The following KSR2 variants were observed in gnomAD, a reference collection of about 807,000 sequenced individuals.
KSR2 encodes kinase suppressor of ras 2.
KSR2 carries 25 observed loss-of-function variants against 107.8 expected under a neutral mutation model. The observed-to-expected ratio is 0.23, with a 90% CI of 0.17 to 0.32. KSR2 has a LOEUF of 0.32. Ranked by LOEUF, KSR2 falls within the 10% of genes least tolerant of loss-of-function variation. The pLI, the probability that KSR2 is intolerant of heterozygous loss-of-function variation, is 1.00. For synonymous variants in KSR2, 480 were observed against 507.0 expected, an observed-to-expected ratio of 0.95 and a Z score of 0.71; for missense variants, 887 against 1,268.9, an observed-to-expected ratio of 0.70 and a Z score of 4.57.
chr12:117,863,737 A>T (rs993584029), intron 1 of KSR2, among the ~76,000 whole-genome samples: 1 of 152,138 alleles, frequency 6.6e-6, no homozygotes, highest in Admixed American at 6.6e-5. Flanking sequence ...GGCTAAAGTC[A>T]AGATGTCAAC....
intron 7 of KSR2, among the ~76,000 whole-genome samples, chr12:117,566,147 G>A (rs571149188): frequency 1.3e-4 from 19 of 151,536 alleles, no homozygotes; most frequent in Middle Eastern, 3.4e-3. Flanking sequence ...CAAGTAGGCC[G>A]CCATGTCTAT....
chr12:117,915,423 T>C (rs1895144879), intron 1 of KSR2, among the ~76,000 whole-genome samples: 2 of 152,238 alleles, frequency 1.3e-5, no homozygotes, highest in South Asian at 4.1e-4. Flanking sequence ...AATTTCCATA[T>C]GTAAATTTTG....
intron 1 of KSR2, among the ~76,000 whole-genome samples, chr12:117,953,774 A>G (rs1251134384): frequency 6.6e-6 from 1 of 152,218 alleles, no homozygotes; most frequent in Non-Finnish European, 1.5e-5. Context: ...ACTTAAGGCC[A>G]ATGAATTATA....
intron 4 of KSR2, among the ~76,000 whole-genome samples, chr12:117,704,085 T>A (rs984157670): frequency 2.6e-5 from 4 of 152,074 alleles, no homozygotes; most frequent in African/African-American, 9.7e-5. Flanking sequence ...ATCTTCAAGA[T>A]TATCTGAAAT....
intron 5 of KSR2, among the ~76,000 whole-genome samples, chr12:117,628,924 C>T (rs1407813770): frequency 6.6e-6 from 1 of 152,248 alleles, no homozygotes; most frequent in Non-Finnish European, 1.5e-5. Context: ...TGCCCCTCCC[C>T]TAGCCAGGCT....
intron 4 of KSR2, among the ~76,000 whole-genome samples, chr12:117,715,683 C>A (rs1886952877): frequency 6.6e-6 from 1 of 152,206 alleles, no homozygotes; most frequent in Non-Finnish European, 1.5e-5. Context: ...TGCAATTACT[C>A]ATTTCTGCTA....
In KSR2 at chr12:117,459,154, C is replaced by T. The variant is rs188291303; in HGVS notation, c.*8045G>A. Reference sequence around the variant, plus strand: ...ACAGAGTCTTAGAGACAGAATCTTTCTTTCTGCATTTTCCAAGTTCCCTAA... The same window carrying T: ...ACAGAGTCTTAGAGACAGAATCTTTTTTTCTGCATTTTCCAAGTTCCCTAA... On this transcript the variant is annotated 3_prime_UTR_variant, in exon 20 of 20. Coordinates refer to ENST00000339824, the MANE Select transcript of KSR2 (RefSeq NM_173598.6). 6.6e-6 allele frequency: 1 copy of T among 152,300 alleles called. No individual in the cohort carries two copies. The highest frequency in any genetic ancestry group is 2.4e-5 in the African/African-American group (1 of 41,550). The allele number at this position is 152,300 out of a possible 1,614,324, so 9.4% of individuals were successfully genotyped here. A position where few individuals can be genotyped will look rare whatever the true frequency, so the allele number is the denominator to read the frequency against.
At chr12:117,847,761 C>T (rs1304597934) in intron 3 of KSR2, among the ~76,000 whole-genome samples, 1 of 152,182 alleles carries the variant, frequency 6.6e-6, no homozygotes, top group Non-Finnish European at 1.5e-5. Context: ...GGCACCCATA[C>T]TGTTCTCTCT....
At chr12:117,893,178 C>T (rs772768421) in intron 1 of KSR2, among the ~76,000 whole-genome samples, 7 of 151,736 alleles carry the variant, frequency 4.6e-5, no homozygotes, top group Admixed American at 4.6e-4. Flanking sequence ...CCACCATGTC[C>T]GGCTAAGTTT....
intron 4 of KSR2, among the ~76,000 whole-genome samples, chr12:117,739,689 C>G (rs1257364186): frequency 1.7e-4 from 26 of 152,044 alleles, no homozygotes; most frequent in Admixed American, 1.7e-3. Flanking sequence ...CCTTGAGGAG[C>G]CTGGGTCTGG....
At chr12:117,830,543 T>TAGCCA (rs1410431649) in intron 3 of KSR2, among the ~76,000 whole-genome samples, 1 of 151,562 alleles carries the variant, frequency 6.6e-6, no homozygotes, top group Non-Finnish European at 1.5e-5. Context: ...ATTAAAAGAA[T>TAGCCA]AGCCAGCCAG....
intron 2 of KSR2, among the ~76,000 whole-genome samples, chr12:117,859,126 A>C (rs12813380): frequency 0.14 from 21,087 of 149,564 alleles, 1,677 homozygotes; most frequent in Middle Eastern, 0.18. Context: ...TTGGTGCCAG[A>C]ATATGAGCTG....
intron 10 of KSR2, among the ~76,000 whole-genome samples, chr12:117,537,346 C>T (rs1284989210): frequency 6.6e-6 from 1 of 152,102 alleles, no homozygotes; most frequent in Admixed American, 6.5e-5. Context: ...TGTCTAGGTC[C>T]TCATATTAAT....
In KSR2 at chr12:117,650,224, C is replaced by G. The variant is rs112835722; in HGVS notation, c.1171+17250G>C. On this transcript the variant is annotated intron_variant, in intron 5 of 19. Coordinates refer to ENST00000339824, the MANE Select transcript of KSR2 (RefSeq NM_173598.6). Reference sequence around the variant, plus strand: ...ATGTGAAAAGGAGAGATGGGCCTAGCCTCCCAGCCTACATCTTTCTCCCGT... The same window carrying G: ...ATGTGAAAAGGAGAGATGGGCCTAGGCTCCCAGCCTACATCTTTCTCCCGT... Among the ~76,000 whole-genome samples the G allele has an allele frequency of 4.3e-3, 648 of 152,240 alleles. 5 individuals carry two copies. The highest frequency in any genetic ancestry group is 0.015 in the African/African-American group (613 of 41,528).
intron 17 of KSR2, 132 bp downstream of exon 17, chr12:117,476,332 C>T: frequency 7.0e-6 from 8 of 1,136,728 alleles, no homozygotes; most frequent in Non-Finnish European, 9.5e-6. Flanking sequence ...TTCCTCCATT[C>T]TCACCCAAAA....
chr12:117,630,998 G>A (rs1882781637), intron 5 of KSR2, among the ~76,000 whole-genome samples: 1 of 152,176 alleles, frequency 6.6e-6, no homozygotes, highest in Admixed American at 6.5e-5. Flanking sequence ...CAAGAGACGG[G>A]CTGTAGAATA....
chr12:117,781,746 C>T (rs955636419), intron 3 of KSR2, among the ~76,000 whole-genome samples: 40 of 152,148 alleles, frequency 2.6e-4, no homozygotes, highest in African/African-American at 9.4e-4. Context: ...AGGAAGCCAA[C>T]ACAAATGAGT....
In KSR2 at chr12:117,524,710, TA is replaced by T. The variant is rs565554374; in HGVS notation, c.2219+141del. The T allele has an allele frequency of 2.2e-3, 2,328 of 1,071,510 alleles. 6 individuals carry two copies. Among genetic ancestry groups the T allele is most frequent in the Admixed American group, 4.0e-3 (131 of 32,616 alleles). 66.4% of individuals were successfully genotyped at this position (1,071,510 alleles called of 1,614,324 possible). A position where few individuals can be genotyped will look rare whatever the true frequency, so the allele number is the denominator to read the frequency against. ...AAGTATTTTCTGGAATCTTAAATCT[TA>T]AACCATGTAAGTAAACTGTGCATGG... On this transcript the variant is annotated intron_variant, in intron 14 of 19. Transcript: ENST00000339824.
intron 4 of KSR2, among the ~76,000 whole-genome samples, chr12:117,731,343 C>G (rs1312280608): frequency 7.2e-6 from 1 of 139,454 alleles, no homozygotes; most frequent in African/African-American, 2.8e-5. Context: ...GAGGAGCCCC[C>G]CCGCCCAGCA....
Sources: allele counts gnomAD v4.1 joint callset (sites outside exome capture counted in the v4.1 genomes callset), GRCh38; gene constraint gnomAD v4.1.1; transcripts MANE v1.5; gene names NCBI Gene and HGNC (gene_info 2026-07-23, HGNC 2026-07-21).